BAALC: variants seen among roughly 807,000 people sequenced by gnomAD.
BAALC encodes BAALC binder of MAP3K1 and KLF4, also known as brain and acute leukemia cytoplasmic protein.
A neutral mutation model predicts 15.5 loss-of-function variants in BAALC; 9 were observed. The ratio of observed to expected loss-of-function variants is 0.58; its 90% CI spans 0.35 to 1.02. The LOEUF is 1.02. Ranked by LOEUF, BAALC falls within the 50% of genes least tolerant of loss-of-function variation. BAALC has a pLI of 0.02. For synonymous variants in BAALC, 80 were observed against 74.6 expected (o/e 1.07, Z -0.37); for missense variants, 201 against 192.4 (o/e 1.04, Z -0.27).
intron 1 of BAALC, among the ~76,000 whole-genome samples, chr8:103,143,912 C>A (rs562517000): frequency 6.6e-6 from 1 of 152,270 alleles, no homozygotes; most frequent in Non-Finnish European, 1.5e-5. Context: ...ATCAATTTAG[C>A]CTGAATTCTT....
At chr8:103,177,225 A>G (rs777762371) in intron 1 of BAALC, among the ~76,000 whole-genome samples, 10 of 141,354 alleles carry the variant, frequency 7.1e-5, no homozygotes, top group Non-Finnish European at 1.5e-4. Flanking sequence ...ATCTCATTCT[A>G]TTGCCCAGTG....
chr8:103,198,457 T>A (rs1308849107), intron 1 of BAALC, among the ~76,000 whole-genome samples: 1 of 152,198 alleles, frequency 6.6e-6, no homozygotes, highest in Non-Finnish European at 1.5e-5. Flanking sequence ...GCCCTTTTGA[T>A]CATCCCGTGA....
chr8:103,225,530 C>G (rs1812787599), intron 2 of BAALC, among the ~76,000 whole-genome samples: 1 of 152,104 alleles, frequency 6.6e-6, no homozygotes, highest in African/African-American at 2.4e-5. Context: ...ATGGAGGAAG[C>G]AGGGCAGGGC....
Position 103,155,405 on chromosome 8 carries a change from G to T in BAALC, c.160+14348G>T, listed in dbSNP as rs535362873. On this transcript the variant is annotated intron_variant, in intron 1 of 2. Coordinates refer to ENST00000309982, the MANE Select transcript of BAALC (RefSeq NM_024812.3). ...GGGCAGAGGGAGGAGTGGAATGGCT[G>T]TTGTAATAGGGGCTTCAGCTGATGC... is the stretch of plus-strand genomic sequence containing the variant. Among the ~76,000 whole-genome samples, 4 of 152,366 alleles carry T rather than the reference G, an allele frequency of 2.6e-5. No homozygotes were observed. In the South Asian group the frequency reaches 8.3e-4, roughly 32 times the overall value.
intron 2 of BAALC, among the ~76,000 whole-genome samples, chr8:103,222,901 G>A (rs890380197): frequency 6.6e-6 from 1 of 152,168 alleles, no homozygotes; most frequent in Non-Finnish European, 1.5e-5. Flanking sequence ...CTGTTTGACT[G>A]ACATCATCTT....
At chr8:103,195,495 A>G (rs1812072303) in intron 1 of BAALC, among the ~76,000 whole-genome samples, 1 of 152,174 alleles carries the variant, frequency 6.6e-6, no homozygotes, top group Non-Finnish European at 1.5e-5. Context: ...TCAGCCCTGA[A>G]CCCTGGAAAG....
intron 1 of BAALC, among the ~76,000 whole-genome samples, chr8:103,173,401 A>G (rs978525588): frequency 6.6e-6 from 1 of 152,204 alleles, no homozygotes; most frequent in Admixed American, 6.5e-5. Flanking sequence ...ACACTTCAAG[A>G]CTATTGAAGG....
chr8:103,147,619 C>T (rs1810904083), intron 1 of BAALC, among the ~76,000 whole-genome samples: 1 of 152,094 alleles, frequency 6.6e-6, no homozygotes, highest in Admixed American at 6.5e-5. Context: ...GATCTGTGCA[C>T]CTGTGATCCA....
At chr8:103,171,577 A>T (rs1034600582) in intron 1 of BAALC, among the ~76,000 whole-genome samples, 12 of 152,222 alleles carry the variant, frequency 7.9e-5, no homozygotes, top group Non-Finnish European at 2.9e-5. Flanking sequence ...CTCCACACAG[A>T]TTCCTCTAGG....
At position 103,140,832 on chromosome 8, in the gene BAALC, C is replaced by A; in HGVS notation, c.-66C>A. ...CTCCTTGCGGGCCGGGGCTGCGCCT[C>A]CGGGGCTGAGCCGCCGCCAGAGCCG... On this transcript the variant is annotated 5_prime_UTR_variant, in exon 1 of 3. Transcript: ENST00000309982. The surrounding 1 kb of genome is among the most constrained non-coding windows in gnomAD (Gnocchi z 4.2). 1.5e-6 allele frequency: 2 copies of A among 1,347,896 alleles called. No homozygotes were observed. The highest frequency in any genetic ancestry group is 1.9e-6 in the Non-Finnish European group (2 of 1,047,826). The allele number at this position is 1,347,896 out of a possible 1,614,324, so 83.5% of individuals were successfully genotyped here.
chr8:103,193,091 A>G (rs1024364765), intron 1 of BAALC, among the ~76,000 whole-genome samples: 3 of 152,150 alleles, frequency 2.0e-5, no homozygotes, highest in African/African-American at 7.2e-5. Context: ...CAGCATAACC[A>G]AGTTTCAGTA....
chr8:103,227,610 A>G (rs1015298989), intron 2 of BAALC, among the ~76,000 whole-genome samples: 2 of 152,220 alleles, frequency 1.3e-5, no homozygotes, highest in Admixed American at 6.5e-5. Context: ...CTTATGTAAA[A>G]AATGCAAGTT....
intron 1 of BAALC, among the ~76,000 whole-genome samples, chr8:103,207,429 T>C (rs555695194): frequency 4.6e-5 from 7 of 152,260 alleles, no homozygotes; most frequent in African/African-American, 1.7e-4. Context: ...ACTTTGAGTC[T>C]CTAGGGGTAA....
chr8:103,213,141 T>C (rs1812489251), intron 2 of BAALC, 56 bp downstream of exon 2: 1 of 1,575,052 alleles, frequency 6.3e-7, no homozygotes, highest in Non-Finnish European at 8.7e-7. Context: ...TAGGGCTTGC[T>C]TCAGGGCAGA....
chr8:103,178,012 A>G (rs1017820019), intron 1 of BAALC, among the ~76,000 whole-genome samples: 4 of 152,224 alleles, frequency 2.6e-5, no homozygotes, highest in Non-Finnish European at 5.9e-5. Context: ...GTTTTCATTA[A>G]TATAATCTCT....
intron 1 of BAALC, among the ~76,000 whole-genome samples, chr8:103,186,514 TC>T (rs1811842057): frequency 6.6e-6 from 1 of 152,144 alleles, no homozygotes; most frequent in Non-Finnish European, 1.5e-5. Flanking sequence ...TTTTGAAAAT[TC>T]CAAAGGGCCT....
At chr8:103,177,482 C>T (rs111589128) in intron 1 of BAALC, among the ~76,000 whole-genome samples, 3,577 of 152,282 alleles carry the variant, frequency 0.023, 88 homozygotes, top group South Asian at 0.095. Flanking sequence ...CCACTGTACC[C>T]GGCCTTCTTC....
intron 1 of BAALC, among the ~76,000 whole-genome samples, chr8:103,144,326 G>A (rs917707866): frequency 3.9e-5 from 6 of 152,106 alleles, no homozygotes; most frequent in Admixed American, 3.9e-4. Context: ...CTACTCAATG[G>A]AATTGAATTA....
At chr8:103,216,611 G>T (rs917398948) in intron 2 of BAALC, among the ~76,000 whole-genome samples, 3 of 152,120 alleles carry the variant, frequency 2.0e-5, no homozygotes, top group African/African-American at 7.2e-5. Context: ...AACTAACTGG[G>T]ACCATAGGCA....
Sources: allele counts gnomAD v4.1 joint callset (sites outside exome capture counted in the v4.1 genomes callset), GRCh38; gene constraint gnomAD v4.1.1; non-coding constraint Gnocchi (gnomAD v3.1); transcripts MANE v1.5; gene names NCBI Gene and HGNC (gene_info 2026-07-23, HGNC 2026-07-21).